ASXL3: variants seen among roughly 807,000 people sequenced by gnomAD.
ASXL3 encodes ASXL transcriptional regulator 3.
Under a neutral mutation model 170.6 loss-of-function variants are expected in ASXL3, and 34 were observed. The observed-to-expected ratio is 0.20, with a 90% CI of 0.15 to 0.27. The LOEUF (loss-of-function observed/expected upper bound fraction) is 0.27, where lower values mean the gene tolerates loss of function less well. Among genes scored for constraint, ASXL3 ranks in the 10% least tolerant of loss-of-function variants. The pLI, the probability that ASXL3 is intolerant of heterozygous loss-of-function variation, is 1.00. For missense variants in ASXL3, 2,592 were observed against 2,695.3 expected (o/e 0.96, Z 0.85); for synonymous variants, 1,002 against 989.1 (o/e 1.01, Z -0.24).
chr18:33,598,705 A>G (rs2065153541), intron 1 of ASXL3, among the ~76,000 whole-genome samples: 1 of 152,210 alleles, frequency 6.6e-6, no homozygotes, highest in Non-Finnish European at 1.5e-5. Flanking sequence ...GTTACATGAG[A>G]TAAGTTATCT....
At chr18:33,587,395 T>C (rs549080158) in intron 1 of ASXL3, among the ~76,000 whole-genome samples, 3 of 152,290 alleles carry the variant, frequency 2.0e-5, no homozygotes, top group East Asian at 1.9e-4. Flanking sequence ...AATCAACTTC[T>C]CTGTTCAACT....
intron 2 of ASXL3, chr18:33,609,078 G>A: frequency 1.0e-6 from 1 of 984,392 alleles, no homozygotes; most frequent in African/African-American, 1.7e-5. Flanking sequence ...GGATAGATTA[G>A]TTGCTAACAG....
intron 2 of ASXL3, among the ~76,000 whole-genome samples, chr18:33,631,059 C>T (rs2145171888): frequency 6.6e-6 from 1 of 151,802 alleles, no homozygotes; most frequent in Non-Finnish European, 1.5e-5. Context: ...AAATAAACCA[C>T]AAAGGAAAAG....
At chr18:33,637,056 A>G (rs1277936434) in intron 2 of ASXL3, among the ~76,000 whole-genome samples, 1 of 152,100 alleles carries the variant, frequency 6.6e-6, no homozygotes, top group Admixed American at 6.6e-5. Context: ...GTGTTTTTCA[A>G]TTTTATGAAT....
chr18:33,617,575 T>C (rs1452143166), intron 2 of ASXL3, among the ~76,000 whole-genome samples: 1 of 152,164 alleles, frequency 6.6e-6, no homozygotes, highest in African/African-American at 2.4e-5. Flanking sequence ...TAAAAATAGC[T>C]GTGGTGACTG....
At chr18:33,718,955 G>C (rs1019781509) in intron 8 of ASXL3, among the ~76,000 whole-genome samples, 5 of 151,868 alleles carry the variant, frequency 3.3e-5, no homozygotes, top group African/African-American at 7.3e-5. Context: ...ATCTCAGCTT[G>C]TTGAGAACTT....
At chr18:33,732,861 A>C (rs1174358250) in intron 9 of ASXL3, among the ~76,000 whole-genome samples, 11 of 20,060 alleles carry the variant, frequency 5.5e-4, no homozygotes, top group Non-Finnish European at 7.5e-4. Context: ...ACCCTGTCTC[A>C]AAAAAAAAAA....
At chr18:33,717,891 T>C (rs1414741130) in intron 8 of ASXL3, among the ~76,000 whole-genome samples, 1 of 152,108 alleles carries the variant, frequency 6.6e-6, no homozygotes, top group Non-Finnish European at 1.5e-5. Flanking sequence ...CCATAAATTG[T>C]CTGCACTTTG....
intron 1 of ASXL3, among the ~76,000 whole-genome samples, chr18:33,587,108 A>G (rs1288227744): frequency 6.6e-6 from 1 of 152,190 alleles, no homozygotes; most frequent in Non-Finnish European, 1.5e-5. Flanking sequence ...ATTTTACTGA[A>G]TCATTCCTGT....
intron 7 of ASXL3, among the ~76,000 whole-genome samples, chr18:33,673,317 G>A (rs994832354): frequency 4.6e-5 from 7 of 151,788 alleles, no homozygotes; most frequent in African/African-American, 7.3e-5. Flanking sequence ...CTTCAGGAGC[G>A]AAAGTTACTA....
intron 2 of ASXL3, among the ~76,000 whole-genome samples, chr18:33,622,413 T>C (rs74321285): frequency 0.029 from 4,389 of 152,264 alleles, 217 homozygotes; most frequent in African/African-American, 0.1. Context: ...TTAAATATTT[T>C]CAGATTGTTT....
chr18:33,653,768 C>T (rs1177346443), intron 4 of ASXL3, among the ~76,000 whole-genome samples: 1 of 152,022 alleles, frequency 6.6e-6, no homozygotes, highest in Non-Finnish European at 1.5e-5. Flanking sequence ...CACAGTCCCC[C>T]TTATACTTCT....
At chr18:33,639,020 A>G (rs948773941) in intron 2 of ASXL3, among the ~76,000 whole-genome samples, 1 of 152,202 alleles carries the variant, frequency 6.6e-6, no homozygotes, top group East Asian at 1.9e-4. Context: ...CTTTTTAAAA[A>G]TTAAAATATT....
intron 8 of ASXL3, among the ~76,000 whole-genome samples, chr18:33,699,704 C>T (rs942103073): frequency 6.6e-6 from 1 of 152,018 alleles, no homozygotes; most frequent in African/African-American, 2.4e-5. Context: ...TGCAATGGAA[C>T]AACAAAATGG....
chr18:33,597,213 C>T (rs1288955658), intron 1 of ASXL3, among the ~76,000 whole-genome samples: 1 of 151,982 alleles, frequency 6.6e-6, no homozygotes, highest in Non-Finnish European at 1.5e-5. Flanking sequence ...TCCAGGATTA[C>T]AATTATTAAC....
intron 1 of ASXL3, among the ~76,000 whole-genome samples, chr18:33,581,491 G>GTGTGTA (rs1323402183): frequency 2.8e-4 from 42 of 151,966 alleles, no homozygotes; most frequent in African/African-American, 1.0e-3. Flanking sequence ...GTGTGTGTGT[G>GTGTGTA]TGTGTGTGTG....
chr18:33,633,942 T>A (rs539034353), intron 2 of ASXL3, among the ~76,000 whole-genome samples: 4 of 152,230 alleles, frequency 2.6e-5, no homozygotes, highest in African/African-American at 9.6e-5. Context: ...AAAAATGTTT[T>A]CATTTGTATT....
At chr18:33,725,797 C>T (rs561082880) in intron 8 of ASXL3, among the ~76,000 whole-genome samples, 11 of 152,226 alleles carry the variant, frequency 7.2e-5, no homozygotes, top group Middle Eastern at 6.8e-3. Flanking sequence ...AGTTAGCAAG[C>T]CTTATTCCTG....
intron 8 of ASXL3, among the ~76,000 whole-genome samples, chr18:33,699,406 T>C (rs2066831267): frequency 6.6e-6 from 1 of 152,054 alleles, no homozygotes; most frequent in Non-Finnish European, 1.5e-5. Context: ...GAAAATTTCA[T>C]TAGAGGGGCA....
Sources: allele counts gnomAD v4.1 joint callset (sites outside exome capture counted in the v4.1 genomes callset), GRCh38; gene constraint gnomAD v4.1.1; transcripts MANE v1.5; gene names NCBI Gene and HGNC (gene_info 2026-07-23, HGNC 2026-07-21).